The following CWC27 variants were observed in gnomAD, a reference collection of about 807,000 sequenced individuals.
CWC27 encodes the protein spliceosome-associated protein CWC27 homolog.
In CWC27, 47 loss-of-function variants were observed where a neutral mutation model predicts 63.6. The ratio of observed to expected loss-of-function variants is 0.74; its 90% CI spans 0.58 to 0.94. The LOEUF (loss-of-function observed/expected upper bound fraction) is 0.94. Among genes scored for constraint, CWC27 ranks in the 40% least tolerant of loss-of-function variants. The pLI is 0.00. For missense variants in CWC27, 495 were observed against 554.3 expected (o/e 0.89, Z 1.07); for synonymous variants, 175 against 179.8 (o/e 0.97, Z 0.22).
chr5:64,910,708 C>T (rs1239977759), intron 11 of CWC27, among the ~76,000 whole-genome samples: 1 of 152,228 alleles, frequency 6.6e-6, no homozygotes, highest in East Asian at 1.9e-4. Flanking sequence ...CAGTCTCAGA[C>T]TGCCGCACTA....
chr5:64,872,748 C>T (rs558702680), intron 10 of CWC27, among the ~76,000 whole-genome samples: 42 of 152,186 alleles, frequency 2.8e-4, no homozygotes, highest in African/African-American at 9.6e-4. Flanking sequence ...CAAAAATGAC[C>T]TCATCCTCTT....
intron 11 of CWC27, among the ~76,000 whole-genome samples, chr5:64,950,550 C>G (rs1580745196): frequency 6.6e-6 from 1 of 151,830 alleles, no homozygotes; most frequent in East Asian, 1.9e-4. Context: ...AAACCAATAC[C>G]ATTATAACCA....
At chr5:64,786,419 G>A (rs1743887346) in intron 5 of CWC27, 105 bp from the exon 6 acceptor site, 6 of 596,134 alleles carry the variant, frequency 1.0e-5, no homozygotes, top group Admixed American at 3.8e-5. Context: ...TAATGTTTAT[G>A]TGGGGAAAAA....
chr5:64,770,488 A>T (rs968648845), intron 1 of CWC27, among the ~76,000 whole-genome samples: 1 of 152,224 alleles, frequency 6.6e-6, no homozygotes, highest in African/African-American at 2.4e-5. Context: ...TGACCTTAGC[A>T]AAGAGCCCTT....
At position 64,882,876 on chromosome 5, in the gene CWC27, G is replaced by C. The variant is rs554076805; in HGVS notation, c.939-2567G>C. Among the ~76,000 whole-genome samples, 184 of 152,312 alleles carry C rather than the reference G, an allele frequency of 1.2e-3. 3 individuals are homozygous for C. Among genetic ancestry groups the C allele is most frequent in the African/African-American group, 4.1e-3 (171 of 41,572 alleles). ...CTCCCAAAGTGCTGGGATTACAGGC[G>C]TGAGCCACCACACCCGGCTCCTTTT... On this transcript the variant is annotated intron_variant, in intron 10 of 13. Transcript: ENST00000381070.
chr5:64,900,963 T>A (rs1379335193), intron 11 of CWC27, among the ~76,000 whole-genome samples: 1 of 152,096 alleles, frequency 6.6e-6, no homozygotes, highest in Non-Finnish European at 1.5e-5. Context: ...CACAAATTCA[T>A]AAACCTTCTT....
At chr5:64,990,267 T>TTTTTTTTTTTTTTTTTTG (rs1561181450) in intron 13 of CWC27, among the ~76,000 whole-genome samples, 1 of 18,724 alleles carries the variant, frequency 5.3e-5, no homozygotes, top group African/African-American at 4.3e-4. Context: ...TTTTTTTTTG[T>TTTTTTTTTTTTTTTTTTG]TTTTTTTTTT....
chr5:64,912,620 T>A lies in CWC27; in HGVS notation c.1042+27074T>A, dbSNP rs76535082. 1.5e-4 allele frequency among the ~76,000 whole-genome samples: 23 copies of A among 152,296 alleles called. No individual in the cohort carries two copies. The East Asian group carries it at 3.3e-3, about 22-fold the overall frequency. ...CTGGTTCTTTTAAGGACTAATCATA[T>A]TGATAAACTCTTAATGAGTTTGAGT... On this transcript the variant is annotated intron_variant, in intron 11 of 13. Transcript: ENST00000381070.
chr5:64,867,035 T>C (rs1746546649), intron 10 of CWC27, among the ~76,000 whole-genome samples: 1 of 152,102 alleles, frequency 6.6e-6, no homozygotes, highest in Middle Eastern at 3.2e-3. Flanking sequence ...ATATATAATT[T>C]AGCAGCTCCT....
chr5:64,927,215 G>T (rs949372303), intron 11 of CWC27, among the ~76,000 whole-genome samples: 3 of 152,072 alleles, frequency 2.0e-5, no homozygotes, highest in Non-Finnish European at 2.9e-5. Flanking sequence ...TACTAAAATA[G>T]GGAAAAATCA....
chr5:64,791,802 G>C (rs957513223), intron 7 of CWC27, among the ~76,000 whole-genome samples: 1 of 151,980 alleles, frequency 6.6e-6, no homozygotes, highest in Admixed American at 6.6e-5. Flanking sequence ...TTGTGACTTT[G>C]TATTCCCTAG....
At chr5:64,905,776 C>T (rs1747623603) in intron 11 of CWC27, among the ~76,000 whole-genome samples, 1 of 151,728 alleles carries the variant, frequency 6.6e-6, no homozygotes, top group African/African-American at 2.4e-5. Context: ...TTTGCTGCAC[C>T]CATTAACTTG....
Position 64,995,634 on chromosome 5 carries a change from T to A in CWC27, c.1256+18396T>A, listed in dbSNP as rs1032130075. The stretch of plus-strand genomic sequence containing the variant: ...ACCGTGTTTCCCCATGGATATTAAA[T>A]GTGTTCTTTATCAGAGTAAGGCCTT... On this transcript the variant is annotated intron_variant, in intron 13 of 13. Coordinates refer to ENST00000381070, the MANE Select transcript of CWC27 (RefSeq NM_005869.4). 3.3e-5 allele frequency among the ~76,000 whole-genome samples: 5 copies of A among 152,224 alleles called. No individual in the cohort carries two copies. The East Asian group carries it at 9.6e-4, about 29-fold the overall frequency.
At chr5:64,882,396 A>G (rs558897714) in intron 10 of CWC27, among the ~76,000 whole-genome samples, 1 of 152,338 alleles carries the variant, frequency 6.6e-6, no homozygotes, top group East Asian at 1.9e-4. Flanking sequence ...CTGTTTCTCT[A>G]GAGTTGAGTC....
At chr5:64,791,623 G>A (rs994992592) in intron 7 of CWC27, among the ~76,000 whole-genome samples, 1 of 152,084 alleles carries the variant, frequency 6.6e-6, no homozygotes, top group Non-Finnish European at 1.5e-5. Flanking sequence ...TGGCTCTTTC[G>A]TAGGGGGTGC....
intron 11 of CWC27, among the ~76,000 whole-genome samples, chr5:64,892,270 T>C (rs1747256917): frequency 6.6e-6 from 1 of 152,194 alleles, no homozygotes; most frequent in Admixed American, 6.5e-5. Context: ...TGTCCTCCTA[T>C]TACTAATATC....
chr5:64,911,032 A>C (rs1747775802), intron 11 of CWC27, among the ~76,000 whole-genome samples: 1 of 152,210 alleles, frequency 6.6e-6, no homozygotes, highest in Admixed American at 6.5e-5. Flanking sequence ...CGTCTTCTGC[A>C]TCGATCATGC....
chr5:64,897,297 G>A (rs1046258748), intron 11 of CWC27, among the ~76,000 whole-genome samples: 1 of 152,098 alleles, frequency 6.6e-6, no homozygotes, highest in Non-Finnish European at 1.5e-5. Flanking sequence ...TATGTTTATT[G>A]CAGCACTACT....
intron 13 of CWC27, among the ~76,000 whole-genome samples, chr5:65,000,759 T>G (rs1749717941): frequency 1.3e-5 from 2 of 152,144 alleles, no homozygotes. Flanking sequence ...TCGGAGAGTG[T>G]GATACCTCCA....
Sources: gnomAD v4.1 joint callset for allele counts (sites outside exome capture counted in the v4.1 genomes callset) on GRCh38, gnomAD v4.1.1 for gene constraint, MANE v1.5 for transcripts, NCBI Gene and HGNC (gene_info 2026-07-23, HGNC 2026-07-21) for gene names.